The following WDPCP variants were observed in gnomAD, a reference collection of about 807,000 sequenced individuals.
WDPCP encodes the protein WD repeat containing planar cell polarity effector, also known as WD repeat-containing and planar cell polarity effector protein fritz homolog.
WDPCP carries 71 observed loss-of-function variants against 93.1 expected under a neutral mutation model. The ratio of observed to expected loss-of-function variants is 0.76; its 90% CI spans 0.63 to 0.93. WDPCP has a LOEUF of 0.93. WDPCP is among the 40% of genes least tolerant of loss of function. The pLI is 0.00. For synonymous variants in WDPCP, 315 were observed against 315.0 expected (o/e 1.00, Z 0.00); for missense variants, 844 against 887.4 (o/e 0.95, Z 0.62).
chr2:63,141,373 A>G (rs1344362617), intron 17 of WDPCP, among the ~76,000 whole-genome samples: 1 of 152,142 alleles, frequency 6.6e-6, no homozygotes, highest in Admixed American at 6.5e-5. Flanking sequence ...CACCATGTCC[A>G]GCTGATTTTT....
chr2:63,702,689 C>T (rs920205531), intron 2 of WDPCP, among the ~76,000 whole-genome samples: 11 of 151,606 alleles, frequency 7.3e-5, no homozygotes, highest in Admixed American at 6.6e-4. Flanking sequence ...AGGCGCCCAC[C>T]ACCACATCCA....
At chr2:63,676,115 C>A (rs1274741608) in intron 2 of WDPCP, among the ~76,000 whole-genome samples, 1 of 152,096 alleles carries the variant, frequency 6.6e-6, no homozygotes, top group Non-Finnish European at 1.5e-5. Flanking sequence ...ATAAGAATCA[C>A]ACAAAATGGA....
At chr2:63,354,142 C>T (rs1475727237) in intron 12 of WDPCP, among the ~76,000 whole-genome samples, 2 of 152,130 alleles carry the variant, frequency 1.3e-5, no homozygotes, top group African/African-American at 4.8e-5. Flanking sequence ...CTGCAGTAGA[C>T]CCAAAGAGAG....
intron 14 of WDPCP, among the ~76,000 whole-genome samples, chr2:63,224,169 C>A (rs1467080563): frequency 6.6e-6 from 1 of 151,936 alleles, no homozygotes; most frequent in Non-Finnish European, 1.5e-5. Flanking sequence ...TAAGGAAATG[C>A]AATTTTCAAT....
intron 9 of WDPCP, among the ~76,000 whole-genome samples, chr2:63,415,435 A>ATT (rs1193051198): frequency 2.6e-4 from 39 of 152,218 alleles, no homozygotes; most frequent in Admixed American, 2.5e-3. Context: ...TAATAGTAGT[A>ATT]AGCAAGAAAA....
chr2:63,248,916 T>A (rs1320989032), intron 14 of WDPCP, among the ~76,000 whole-genome samples: 1 of 152,028 alleles, frequency 6.6e-6, no homozygotes, highest in Non-Finnish European at 1.5e-5. Flanking sequence ...CTTATGTGTT[T>A]TTTTTTTAAT....
At chr2:63,174,934 CT>C in intron 14 of WDPCP, 102 bp from the exon 15 acceptor site, 1 of 1,310,642 alleles carries the variant, frequency 7.6e-7, no homozygotes, top group Non-Finnish European at 1.1e-6. Context: ...CCCAGTGGAA[CT>C]TTTTTCTTTG....
intron 14 of WDPCP, among the ~76,000 whole-genome samples, chr2:63,230,404 A>G (rs1226382660): frequency 1.3e-5 from 2 of 152,104 alleles, no homozygotes; most frequent in Admixed American, 6.6e-5. Context: ...ATACATGTGT[A>G]TGTGTCTTTA....
intron 2 of WDPCP, among the ~76,000 whole-genome samples, chr2:63,651,493 A>G (rs1339337972): frequency 6.8e-6 from 1 of 147,164 alleles, no homozygotes; most frequent in African/African-American, 2.5e-5. Context: ...ATTTTAAGAA[A>G]TAAGAAATTG....
At chr2:63,507,799 AAT>A (rs1701976879) in intron 1 of WDPCP, among the ~76,000 whole-genome samples, 1 of 152,160 alleles carries the variant, frequency 6.6e-6, no homozygotes, top group African/African-American at 2.4e-5. Context: ...CACAAGTATA[AAT>A]AGCCAAATTG....
intron 12 of WDPCP, among the ~76,000 whole-genome samples, chr2:63,363,331 GATCACACCTGTA>G (rs998777519): frequency 6.6e-6 from 1 of 152,096 alleles, no homozygotes; most frequent in African/African-American, 2.4e-5. Flanking sequence ...GGGCGCAATG[GATCACACCTGTA>G]ATCCCAGCAC....
chr2:63,204,445 G>A (rs1353494941), intron 14 of WDPCP, among the ~76,000 whole-genome samples: 6 of 148,376 alleles, frequency 4.0e-5, no homozygotes, highest in African/African-American at 9.9e-5. Flanking sequence ...AGGTTCAAGC[G>A]ATTCTCTTGC....
intron 12 of WDPCP, among the ~76,000 whole-genome samples, chr2:63,346,763 T>C (rs1439351910): frequency 6.6e-6 from 1 of 152,180 alleles, no homozygotes; most frequent in Non-Finnish European, 1.5e-5. Context: ...CTGCCTCATC[T>C]TCCCTGAACT....
chr2:63,237,018 A>G (rs1181194307), intron 14 of WDPCP, among the ~76,000 whole-genome samples: 1 of 152,184 alleles, frequency 6.6e-6, no homozygotes, highest in Admixed American at 6.6e-5. Context: ...CTGCACAGCA[A>G]AAGAAACTAT....
At chr2:63,211,017 C>T (rs1199522491) in intron 14 of WDPCP, among the ~76,000 whole-genome samples, 1 of 152,260 alleles carries the variant, frequency 6.6e-6, no homozygotes, top group Admixed American at 6.5e-5. Context: ...TCTGTAGACT[C>T]TGCTTCTGGG....
At position 63,456,656 on chromosome 2, in the gene WDPCP, A is replaced by C. The variant is rs540437952; in HGVS notation, c.385-16785T>G. 1.3e-5 allele frequency among the ~76,000 whole-genome samples: 2 copies of C among 152,336 alleles called. 1 individual carries two copies. Among genetic ancestry groups the C allele is most frequent in the South Asian group, 4.1e-4 (2 of 4,832 alleles). On this transcript the variant is annotated intron_variant, in intron 6 of 17. Coordinates refer to ENST00000272321, the MANE Select transcript of WDPCP (RefSeq NM_015910.7). ...CCAAATTAGCAGAGAGAAGAAAATA[A>C]TAAAGATCAGAGCAAAACTAAACAA...
chr2:63,151,902 C>T (rs1014289740), intron 17 of WDPCP, among the ~76,000 whole-genome samples: 3 of 152,174 alleles, frequency 2.0e-5, no homozygotes, highest in Admixed American at 6.5e-5. Context: ...TGAAATGACT[C>T]GCCCAAAGTT....
chr2:63,575,485 A>ACAGTGTATGCACTG lies in WDPCP; in HGVS notation c.75+12711_75+12712insCAGTGCATACACTG, dbSNP rs1157089103. Among the ~76,000 whole-genome samples, 6 of 52,080 alleles carry ACAGTGTATGCACTG rather than the reference A, an allele frequency of 1.2e-4. 1 individual carries two copies. The highest frequency in any genetic ancestry group is 1.2e-4 in the Non-Finnish European group (3 of 24,948). 34.2% of individuals were successfully genotyped at this position (52,080 alleles called of 152,430 possible). A position where few individuals can be genotyped will look rare whatever the true frequency, so the allele number is the denominator to read the frequency against. On this transcript the variant is annotated intron_variant, in intron 1 of 17. Transcript: ENST00000272321. ...TATATATGCAGTATATACAGTGTAT[A>ACAGTGTATGCACTG]TATAGTATATACAGTATATACACTG...
chr2:63,700,011 C>T (rs910282310), intron 2 of WDPCP, among the ~76,000 whole-genome samples: 4 of 151,916 alleles, frequency 2.6e-5, no homozygotes, highest in African/African-American at 4.8e-5. Flanking sequence ...TTGGGCTGGG[C>T]CTGGTGGCTC....
Sources: allele counts gnomAD v4.1 joint callset (sites outside exome capture counted in the v4.1 genomes callset), GRCh38; gene constraint gnomAD v4.1.1; transcripts MANE v1.5; gene names NCBI Gene and HGNC (gene_info 2026-07-23, HGNC 2026-07-21).